Variants in PTPRU observed in about 807,000 individuals in gnomAD.
PTPRU encodes receptor-type tyrosine-protein phosphatase U.
PTPRU carries 69 observed loss-of-function variants against 166.3 expected under a neutral mutation model. That is an observed-to-expected ratio of 0.41 (90% confidence interval 0.34 to 0.51). The LOEUF is 0.51. PTPRU is among the 20% of genes least tolerant of loss of function. PTPRU has a pLI of 0.09. For missense variants in PTPRU, 1,657 were observed against 2,013.7 expected (o/e 0.82, Z 3.39); for synonymous variants, 793 against 814.0 (o/e 0.97, Z 0.44).
chr1:29,321,207 T>C (rs1040707006), intron 26 of PTPRU, among the ~76,000 whole-genome samples: 2 of 145,870 alleles, frequency 1.4e-5, no homozygotes, highest in Non-Finnish European at 3.0e-5. Context: ...TTTTTTTTTT[T>C]TTTTTTTTTT....
chr1:29,249,348 TTG>T (rs1684444512), intron 1 of PTPRU, among the ~76,000 whole-genome samples: 1 of 152,208 alleles, frequency 6.6e-6, no homozygotes, highest in Non-Finnish European at 1.5e-5. Context: ...CCTTCCCAAA[TTG>T]TGGCTGACGG....
Position 29,303,897 on chromosome 1 carries a change from T to TG in PTPRU, c.2525dup (p.Ser843LeufsTer47). 1 of 1,613,504 alleles carries TG rather than the reference T, an allele frequency of 6.2e-7. No individual in the cohort carries two copies. Among genetic ancestry groups the TG allele is most frequent in the African/African-American group, 1.3e-5 (1 of 75,050 alleles). ...GGGGTCACTGAGGCCAGCAGCCTCC[T>TG]GGGGGGCTCCCCGAGGCGTCCCTGT... On this transcript the variant is annotated frameshift_variant, in exon 16 of 30. Transcript: ENST00000373779. LOFTEE classifies it high-confidence loss of function.
chr1:29,316,338 G>T, intron 24 of PTPRU, among the ~76,000 whole-genome samples, 187 bp downstream of exon 24: 1 of 152,184 alleles, frequency 6.6e-6, no homozygotes, highest in East Asian at 1.9e-4. Flanking sequence ...CATCAAAGCA[G>T]TTAAGAGCCC....
At chr1:29,254,106 G>T (rs756875257) in intron 1 of PTPRU, among the ~76,000 whole-genome samples, 9 of 152,162 alleles carry the variant, frequency 5.9e-5, no homozygotes, top group Non-Finnish European at 1.2e-4. Context: ...CTGTCAAATC[G>T]GGAGGAGTAC....
intron 1 of PTPRU, among the ~76,000 whole-genome samples, chr1:29,242,039 C>T (rs1684081281): frequency 6.8e-6 from 1 of 147,366 alleles, no homozygotes; most frequent in Admixed American, 6.8e-5. Flanking sequence ...TTACAGGCAC[C>T]CGCCACCATG....
Position 29,260,918 on chromosome 1 carries a change from T to G in PTPRU, c.1144+15T>G. 6.5e-7 allele frequency: 1 copy of G among 1,528,424 alleles called. No homozygotes were observed. Among genetic ancestry groups the G allele is most frequent in the Non-Finnish European group, 8.8e-7 (1 of 1,142,206 alleles). 94.7% of individuals were successfully genotyped at this position (1,528,424 alleles called of 1,614,324 possible). ...CAAATGCGCAGGTGGGTGCAGCAGC[T>G]ACCCCTGGCCTCAGTCTCTGGTGGG... On this transcript the variant is annotated intron_variant, in intron 7 of 29. Transcript: ENST00000373779. This position sits in a 1 kb window ranked among gnomAD's most constrained non-coding sequence, Gnocchi z 8.3.
chr1:29,259,399 T>C (rs1320240171), intron 4 of PTPRU, 50 bp from the exon 5 acceptor site: 6 of 1,608,274 alleles, frequency 3.7e-6, no homozygotes, highest in Non-Finnish European at 5.1e-6. Flanking sequence ...CCGCGGCTCC[T>C]GCCTGCAGGG....
At chr1:29,250,626 G>T (rs966753367) in intron 1 of PTPRU, among the ~76,000 whole-genome samples, 1 of 152,230 alleles carries the variant, frequency 6.6e-6, no homozygotes, top group Non-Finnish European at 1.5e-5. Flanking sequence ...GTATTGATGT[G>T]TATATGTGCA....
chr1:29,290,090 G>A (rs919717022), intron 14 of PTPRU, among the ~76,000 whole-genome samples: 1 of 152,208 alleles, frequency 6.6e-6, no homozygotes, highest in African/African-American at 2.4e-5. Flanking sequence ...TTCAGGACAC[G>A]CTCTGGAGCC....
At chr1:29,323,278 A>T in intron 26 of PTPRU, 93 bp from the exon 27 acceptor site, 1 of 1,482,436 alleles carries the variant, frequency 6.7e-7, no homozygotes, top group Non-Finnish European at 9.0e-7. Context: ...TGGGAGCCAC[A>T]GGGCAAGTGT....
At chr1:29,319,812 G>T (rs1206623507) in intron 25 of PTPRU, among the ~76,000 whole-genome samples, 6 of 152,234 alleles carry the variant, frequency 3.9e-5, no homozygotes, top group East Asian at 1.9e-4. Context: ...GAGGAAGACT[G>T]GGGGACAGGA....
chr1:29,246,487 C>T (rs759051639), intron 1 of PTPRU, among the ~76,000 whole-genome samples: 11 of 152,186 alleles, frequency 7.2e-5, no homozygotes, highest in African/African-American at 2.4e-4. Context: ...ACATTGCATT[C>T]GTGCACTGCA....
At chr1:29,283,157 C>T (rs1258514829) in intron 12 of PTPRU, among the ~76,000 whole-genome samples, 2 of 150,148 alleles carry the variant, frequency 1.3e-5, no homozygotes, top group African/African-American at 4.9e-5. Context: ...AGCCCTGGCC[C>T]CACAGTTCCT....
Position 29,317,756 on chromosome 1 carries a change from C to T in PTPRU, c.3522C>T (p.Asn1174=), listed in dbSNP as rs2151969398. The change falls in exon 25 of 30, where the codon AAC becomes AAT. Residue 1174 remains asparagine, a synonymous_variant. Transcript: ENST00000373779. This position sits in a 1 kb window ranked among gnomAD's most constrained non-coding sequence, Gnocchi z 5.6. Reference sequence around the variant, plus strand: ...ACCCCCGCTCCCTGTAGACGCTGAACTCGGTCACCCCGCCGCTGGACGTGG... The same window carrying T: ...ACCCCCGCTCCCTGTAGACGCTGAATTCGGTCACCCCGCCGCTGGACGTGG... ...SQLREEFQTL[N]SVTPPLDVEE... is the part of the protein sequence containing the mutation. 6.2e-7 allele frequency: 1 copy of T among 1,608,400 alleles called. No individual in the cohort carries two copies. Among genetic ancestry groups the T allele is most frequent in the Non-Finnish European group, 8.5e-7 (1 of 1,179,442 alleles).
At chr1:29,269,870 G>A (rs2151948925) in intron 7 of PTPRU, among the ~76,000 whole-genome samples, 1 of 151,972 alleles carries the variant, frequency 6.6e-6, no homozygotes, top group African/African-American at 2.4e-5. Context: ...AAAGCATTTC[G>A]TATGCTGCTT....
intron 14 of PTPRU, chr1:29,289,614 T>C: frequency 6.3e-7 from 1 of 1,598,588 alleles, no homozygotes; most frequent in East Asian, 2.2e-5. Flanking sequence ...GCCTGGGCAT[T>C]GCCTCAGCCC....
At chr1:29,321,953 T>A (rs572632404) in intron 26 of PTPRU, among the ~76,000 whole-genome samples, 1 of 152,356 alleles carries the variant, frequency 6.6e-6, no homozygotes, top group African/African-American at 2.4e-5. Context: ...CCTGACCATG[T>A]GCTTTAGGTC....
rs765597007 is a variant in PTPRU, at chr1:29,312,567, C to A, written c.3088C>A (p.Arg1030=). 5.7e-6 allele frequency: 9 copies of A among 1,592,050 alleles called. No homozygotes were observed. The African/African-American group carries it at 1.1e-4, about 19-fold the overall frequency. Residue 1030 remains arginine, a synonymous_variant, in exon 22 of 30, where the codon CGG becomes AGG. Coordinates refer to ENST00000373779, the MANE Select transcript of PTPRU (RefSeq NM_133178.4). ...GTCTCCCCAGAGAGGCTACTCTGCC[C>A]GGCACGAGGTCCGCCAGTTCCACTT... The part of the protein sequence containing the change: ...FALERRGYSA[R]HEVRQFHFTA...
chr1:29,249,370 C>T (rs1684446332), intron 1 of PTPRU, among the ~76,000 whole-genome samples: 1 of 152,242 alleles, frequency 6.6e-6, no homozygotes, highest in African/African-American at 2.4e-5. Flanking sequence ...GTTGCTCAGG[C>T]AACCGCCTGC....
Sources: allele counts gnomAD v4.1 joint callset (sites outside exome capture counted in the v4.1 genomes callset), GRCh38; gene constraint gnomAD v4.1.1; non-coding constraint Gnocchi (gnomAD v3.1); transcripts MANE v1.5; gene names NCBI Gene and HGNC (gene_info 2026-07-23, HGNC 2026-07-21).